UBE3C: variants seen among roughly 807,000 people sequenced by gnomAD.
The protein encoded by UBE3C is ubiquitin-protein ligase E3C.
UBE3C carries 42 observed loss-of-function variants against 129.4 expected under a neutral mutation model. The ratio of observed to expected loss-of-function variants is 0.32; its 90% CI spans 0.25 to 0.42. The LOEUF (loss-of-function observed/expected upper bound fraction) is 0.42, where lower values mean the gene tolerates loss of function less well. Ranked by LOEUF, UBE3C falls within the 10% of genes least tolerant of loss-of-function variation. UBE3C has a pLI of 1.00. For missense variants in UBE3C, 1,049 were observed against 1,319.1 expected (o/e 0.80, Z 3.17); for synonymous variants, 510 against 492.4 (o/e 1.04, Z -0.47).
chr7:157,185,214 G>A (rs1007986374), intron 9 of UBE3C, among the ~76,000 whole-genome samples: 5 of 152,234 alleles, frequency 3.3e-5, no homozygotes, highest in African/African-American at 1.2e-4. Flanking sequence ...GTTTTTCCTC[G>A]CTGTGGGTGT....
chr7:157,232,524 A>G (rs569690343), intron 18 of UBE3C, among the ~76,000 whole-genome samples: 42 of 152,170 alleles, frequency 2.8e-4, no homozygotes, highest in African/African-American at 1.0e-3. Flanking sequence ...TAATTTTTCT[A>G]TTTTTAGAAG....
chr7:157,152,316 C>A (rs1807778293), intron 1 of UBE3C, among the ~76,000 whole-genome samples: 1 of 152,068 alleles, frequency 6.6e-6, no homozygotes, highest in African/African-American at 2.4e-5. Flanking sequence ...TGGAAAGCCG[C>A]TAAAGAGTTT....
rs987398070 is a variant in UBE3C at position 157,269,075 on chromosome 7, A to G, written c.*1320A>G. On this transcript the variant is annotated 3_prime_UTR_variant, in exon 23 of 23. Transcript: ENST00000348165. ...AATGAACATTATCAAAACAAAATGT[A>G]TAATTTCTTAATTTGAATAATAAAT... 3.3e-5 allele frequency: 5 copies of G among 152,668 alleles called. No individual in the cohort carries two copies. The highest frequency in any genetic ancestry group is 1.2e-4 in the African/African-American group (5 of 41,454). 9.5% of individuals were successfully genotyped at this position (152,668 alleles called of 1,614,324 possible). A position where few individuals can be genotyped will look rare whatever the true frequency, so the allele number is the denominator to read the frequency against.
intron 1 of UBE3C, among the ~76,000 whole-genome samples, chr7:157,142,828 C>A (rs1429792290): frequency 1.3e-5 from 2 of 151,818 alleles, no homozygotes; most frequent in East Asian, 3.9e-4. Context: ...TGCATAGGTA[C>A]CCCCTAACTC....
At chr7:157,149,985 T>C (rs774162874) in intron 1 of UBE3C, among the ~76,000 whole-genome samples, 41 of 152,296 alleles carry the variant, frequency 2.7e-4, no homozygotes, top group Middle Eastern at 3.4e-3. Context: ...CCCATCACCT[T>C]CGATGGTGGT....
chr7:157,161,651 AC>A (rs1161314910), intron 1 of UBE3C, among the ~76,000 whole-genome samples: 1 of 151,928 alleles, frequency 6.6e-6, no homozygotes, highest in Non-Finnish European at 1.5e-5. Flanking sequence ...ATAGGGTTTC[AC>A]CATGTAGCCC....
chr7:157,213,851 G>A (rs1328451615), intron 13 of UBE3C, among the ~76,000 whole-genome samples: 4 of 152,066 alleles, frequency 2.6e-5, no homozygotes, highest in Admixed American at 1.3e-4. Flanking sequence ...ATTGAATTAC[G>A]GATAAATCAC....
intron 10 of UBE3C, among the ~76,000 whole-genome samples, chr7:157,195,393 C>G (rs1298782010): frequency 6.6e-6 from 1 of 152,162 alleles, no homozygotes; most frequent in East Asian, 1.9e-4. Flanking sequence ...CAAACATGTG[C>G]TACCTTTTGT....
chr7:157,204,398 C>CAA (rs35298527), intron 11 of UBE3C, among the ~76,000 whole-genome samples: 25 of 86,386 alleles, frequency 2.9e-4, no homozygotes, highest in South Asian at 4.2e-4. Context: ...AACTTTGTTT[C>CAA]AAAAAAAAAA....
intron 22 of UBE3C, among the ~76,000 whole-genome samples, chr7:157,266,519 G>A (rs1405509713): frequency 1.3e-5 from 2 of 152,122 alleles, no homozygotes; most frequent in Admixed American, 6.5e-5. Flanking sequence ...TGCTGGGATC[G>A]ATCTCTGCGT....
At chr7:157,157,870 A>C (rs1563031991) in intron 1 of UBE3C, among the ~76,000 whole-genome samples, 1 of 151,886 alleles carries the variant, frequency 6.6e-6, no homozygotes, top group Admixed American at 6.6e-5. Context: ...AATCCCAGCT[A>C]CTTGGAGGCC....
At chr7:157,241,123 G>C (rs1368617889) in intron 18 of UBE3C, among the ~76,000 whole-genome samples, 1 of 152,058 alleles carries the variant, frequency 6.6e-6, no homozygotes, top group African/African-American at 2.4e-5. Context: ...TGGTTCAAGG[G>C]TGCAAAAGAG....
intron 18 of UBE3C, among the ~76,000 whole-genome samples, chr7:157,242,828 G>T (rs1833097): frequency 9.2e-5 from 14 of 151,954 alleles, no homozygotes; most frequent in Admixed American, 5.9e-4. Context: ...AGGCCAAGGC[G>T]GGAGAATCAC....
chr7:157,177,849 T>C (rs1808562300), intron 5 of UBE3C, among the ~76,000 whole-genome samples: 1 of 151,484 alleles, frequency 6.6e-6, no homozygotes, highest in South Asian at 2.1e-4. Context: ...TTTTGTCACA[T>C]AGAGAAGTTA....
chr7:157,174,824 T>C, intron 4 of UBE3C, 95 bp from the exon 5 acceptor site: 1 of 808,664 alleles, frequency 1.2e-6, no homozygotes, highest in Non-Finnish European at 1.9e-6. Flanking sequence ...TGATTAAATG[T>C]GCATTGCCAC....
At chr7:157,262,618 A>AC (rs1413779067) in intron 22 of UBE3C, among the ~76,000 whole-genome samples, 1 of 151,538 alleles carries the variant, frequency 6.6e-6, no homozygotes, top group Non-Finnish European at 1.5e-5. Flanking sequence ...GCAGGATTTC[A>AC]CCATGTTGGC....
chr7:157,241,882 G>A (rs1216778915), intron 18 of UBE3C, among the ~76,000 whole-genome samples: 2 of 152,188 alleles, frequency 1.3e-5, no homozygotes, highest in Non-Finnish European at 2.9e-5. Flanking sequence ...CCTTGAGAAT[G>A]TTCTGCCCGG....
At chr7:157,220,563 A>T in intron 14 of UBE3C, 126 bp from the exon 15 acceptor site, 1 of 925,226 alleles carries the variant, frequency 1.1e-6, no homozygotes, top group Non-Finnish European at 1.6e-6. Context: ...ACATGAAGGT[A>T]TGAGGTCAGA....
At chr7:157,208,594 A>C (rs781497557) in intron 13 of UBE3C, among the ~76,000 whole-genome samples, 5 of 152,212 alleles carry the variant, frequency 3.3e-5, no homozygotes, top group Non-Finnish European at 5.9e-5. Flanking sequence ...TTTTCACTAA[A>C]TATTTCTTAG....
Sources: allele counts gnomAD v4.1 joint callset (sites outside exome capture counted in the v4.1 genomes callset), GRCh38; gene constraint gnomAD v4.1.1; transcripts MANE v1.5; gene names NCBI Gene and HGNC (gene_info 2026-07-23, HGNC 2026-07-21).